CHRNB1: variants seen among roughly 807,000 people sequenced by gnomAD.
CHRNB1 encodes the protein cholinergic receptor nicotinic beta 1 subunit.
In CHRNB1, 47 loss-of-function variants were observed where a neutral mutation model predicts 53.8. The observed-to-expected ratio is 0.87, with a 90% CI of 0.69 to 1.11. The LOEUF is 1.11. Ranked by LOEUF, CHRNB1 falls within the 50% of genes most tolerant of loss-of-function variation. CHRNB1 has a pLI of 0.00. For missense variants in CHRNB1, 605 were observed against 654.9 expected, an observed-to-expected ratio of 0.92 and a Z score of 0.83; for synonymous variants, 259 against 263.5, an observed-to-expected ratio of 0.98 and a Z score of 0.16.
chr17:7,450,866 TTCC>T (rs1908859054), intron 7 of CHRNB1, among the ~76,000 whole-genome samples: 1 of 152,174 alleles, frequency 6.6e-6, no homozygotes, highest in African/African-American at 2.4e-5. Context: ...AAAACATGCT[TTCC>T]TCCTCTCTGC....
Position 7,447,516 on chromosome 17 carries a change from C to T in CHRNB1, c.476C>T (p.Pro159Leu). 1 of 1,614,170 alleles carries T rather than the reference C, an allele frequency of 6.2e-7. No homozygotes were observed. Among genetic ancestry groups the T allele is most frequent in the Non-Finnish European group, 8.5e-7 (1 of 1,180,028 alleles). The change falls in exon 6 of 11, where the codon CCC (proline) becomes CTC (leucine). Residue 159 changes from proline to leucine, a missense_variant. Transcript: ENST00000306071. The stretch of plus-strand genomic sequence containing the variant: ...TCCTCCATCCAGGTCACCTACTTCC[C>T]CTTCGACTGGCAGAATTGCACTATG... The part of the protein sequence containing the change: ...SSCSIQVTYF[P>L]FDWQNCTMVF...
chr17:7,446,040 C>G lies in CHRNB1; in HGVS notation c.199-29C>G, dbSNP rs539007199. The G allele has an allele frequency of 1.9e-6, 3 of 1,611,782 alleles. No individual in the cohort carries two copies. The Admixed American group carries it at 5.0e-5, about 27-fold the overall frequency. On this transcript the variant is annotated intron_variant, in intron 2 of 10. Transcript: ENST00000306071. ...CCTCATTTCTCTCCACCCTACTTCACCTTTACGCCTTAAATTTTTCCCTTC... is the reference window on the plus strand; with the variant it reads ...CCTCATTTCTCTCCACCCTACTTCAGCTTTACGCCTTAAATTTTTCCCTTC...
At chr17:7,450,810 A>G (rs958508831) in intron 7 of CHRNB1, among the ~76,000 whole-genome samples, 7 of 152,202 alleles carry the variant, frequency 4.6e-5, no homozygotes, top group African/African-American at 1.7e-4. Context: ...AACCTGGGTC[A>G]GTGGCAGTCT....
Position 7,445,330 on chromosome 17 carries a change from G to C in CHRNB1, c.119G>C (p.Ser40Thr). The C allele has an allele frequency of 6.2e-7, 1 of 1,613,158 alleles. No homozygotes were observed. Among genetic ancestry groups the C allele is most frequent in the Non-Finnish European group, 8.5e-7 (1 of 1,179,840 alleles). The change falls in exon 2 of 11, where the codon AGC (serine) becomes ACC (threonine). Residue 40 changes from serine to threonine, a missense_variant. Ser to Thr is a moderately conservative substitution (Grantham distance 58). Coordinates refer to ENST00000306071, the MANE Select transcript of CHRNB1 (RefSeq NM_000747.3). This position sits in a 1 kb window ranked among gnomAD's most constrained non-coding sequence, Gnocchi z 5.7. ...GAGAAACTTTTCTCTGGCTATGATA[G>C]CTCCGTGCGGCCAGCGCGGGAGGTG... ...LREKLFSGYDSSVRPAREVGD... is the reference protein window; with the variant it reads ...LREKLFSGYDTSVRPAREVGD...
chr17:7,449,755 G>A (rs1908812714), intron 7 of CHRNB1, among the ~76,000 whole-genome samples: 1 of 151,144 alleles, frequency 6.6e-6, no homozygotes, highest in African/African-American at 2.4e-5. Context: ...ATATATAATA[G>A]TAATAGCCAC....
rs1389864432 is a variant in CHRNB1 at position 7,455,369 on chromosome 17, C to T, written c.1130C>T (p.Ser377Phe). The T allele has an allele frequency of 6.2e-7, 1 of 1,614,166 alleles. No individual in the cohort carries two copies. Among genetic ancestry groups the T allele is most frequent in the Non-Finnish European group, 8.5e-7 (1 of 1,180,016 alleles). Residue 377 changes from serine (S) to phenylalanine (F), a missense_variant, in exon 9 of 11, where the codon TCT becomes TTT. Physicochemically the swap from Ser to Phe is radical, Grantham distance 155. Coordinates refer to ENST00000306071, the MANE Select transcript of CHRNB1 (RefSeq NM_000747.3). ...CTGATGCCGGAGCCCCCTCACTGTTCTTCTCCAGGAAGTGGCTGGGGTCGG... is the reference window on the plus strand; with the variant it reads ...CTGATGCCGGAGCCCCCTCACTGTTTTTCTCCAGGAAGTGGCTGGGGTCGG... The part of the protein sequence containing the change: ...RDLMPEPPHC[S>F]SPGSGWGRGT...
At chr17:7,455,763 G>T in intron 9 of CHRNB1, 31 bp from the exon 10 acceptor site, 6 of 1,614,132 alleles carry the variant, frequency 3.7e-6, no homozygotes, top group Non-Finnish European at 5.1e-6. Context: ...CTGTCTTTGC[G>T]TTTGGGCGTG....
Position 7,445,683 on chromosome 17 carries a change from C to A in CHRNB1, c.198+274C>A, listed in dbSNP as rs1908576780. 1.6e-6 allele frequency: 2 copies of A among 1,242,152 alleles called. No individual in the cohort carries two copies. The highest frequency in any genetic ancestry group is 5.8e-5 in the Admixed American group (2 of 34,774). The allele number at this position is 1,242,152 out of a possible 1,614,324, so 76.9% of individuals were successfully genotyped here. On this transcript the variant is annotated intron_variant, in intron 2 of 10. Coordinates refer to ENST00000306071, the MANE Select transcript of CHRNB1 (RefSeq NM_000747.3). The surrounding 1 kb of genome is among the most constrained non-coding windows in gnomAD (Gnocchi z 5.7). Reference sequence around the variant, plus strand: ...TGGGGACGAGGCAGGGGCTGGGGGACGGACCTCGACGTAGGGCCACATGAG... The same window carrying A: ...TGGGGACGAGGCAGGGGCTGGGGGAAGGACCTCGACGTAGGGCCACATGAG...
At chr17:7,448,252 G>T (rs191486903) in intron 6 of CHRNB1, among the ~76,000 whole-genome samples, 117 of 151,304 alleles carry the variant, frequency 7.7e-4, no homozygotes, top group Non-Finnish European at 1.2e-3. Context: ...CAGGTGTGGT[G>T]GTGGACACCT....
At chr17:7,448,407 T>C (rs1908745727) in intron 6 of CHRNB1, among the ~76,000 whole-genome samples, 172 bp from the exon 7 acceptor site, 1 of 152,080 alleles carries the variant, frequency 6.6e-6, no homozygotes, top group Non-Finnish European at 1.5e-5. Flanking sequence ...AATAAAAATA[T>C]GGAAATTGAG....
Position 7,456,795 on chromosome 17 carries a change from C to G in CHRNB1, c.*72C>G. ...TTTGGTGATACTGTCAAGCCCTATC[C>G]TTCTCTGCCTCTTAACTCCTTCACG... On this transcript the variant is annotated 3_prime_UTR_variant, in exon 11 of 11. Transcript: ENST00000306071. 1.3e-6 allele frequency: 2 copies of G among 1,588,276 alleles called. No homozygotes were observed.
intron 7 of CHRNB1, among the ~76,000 whole-genome samples, chr17:7,449,754 A>C (rs1321647774): frequency 6.6e-6 from 1 of 151,104 alleles, no homozygotes; most frequent in East Asian, 2.0e-4. Flanking sequence ...AATATATAAT[A>C]GTAATAGCCA....
intron 7 of CHRNB1, among the ~76,000 whole-genome samples, chr17:7,450,651 A>G (rs1221076381): frequency 6.6e-6 from 1 of 152,206 alleles, no homozygotes; most frequent in Non-Finnish European, 1.5e-5. Flanking sequence ...AACATGGTAC[A>G]TGTACTAATT....
chr17:7,454,525 GAAA>G lies in CHRNB1; in HGVS notation c.1044+6_1044+8del. ...ATGCCCCTTTGGGTCCGTCAGGTAA[GAAA>G]GATCTCCTCCTCCAACCCCAATTTT... is the stretch of plus-strand genomic sequence containing the variant. On this transcript the variant is annotated splice_donor_region_variant and intron_variant, in intron 8 of 10. Coordinates refer to ENST00000306071, the MANE Select transcript of CHRNB1 (RefSeq NM_000747.3). 1.2e-6 allele frequency: 2 copies of G among 1,612,716 alleles called. No individual in the cohort carries two copies. The highest frequency in any genetic ancestry group is 1.7e-6 in the Non-Finnish European group (2 of 1,178,732).
rs772731018 is a variant in CHRNB1, at chr17:7,456,635, G to A, written c.1418G>A (p.Trp473Ter). The A allele has an allele frequency of 5.6e-6, 9 of 1,613,960 alleles. No homozygotes were observed. The highest frequency in any genetic ancestry group is 7.6e-6 in the Non-Finnish European group (9 of 1,180,034). ...ATGGTAGTGGACCGCCTCTTCCTGT[G>A]GACTTTCATCATCTTCACCAGCGTT... ...VAMVVDRLFL[W>*]TFIIFTSVGT... Residue 473 changes from tryptophan (W) to a stop codon, truncating the protein, a stop_gained, in exon 11 of 11, where the codon TGG becomes TAG. Transcript: ENST00000306071. LOFTEE classifies it high-confidence loss of function.
At chr17:7,456,049 CT>C (rs528936191) in intron 10 of CHRNB1, 108 bp downstream of exon 10, 24,580 of 501,546 alleles carry the variant, frequency 0.049, no homozygotes, top group East Asian at 0.14. Flanking sequence ...TTTTTTTTGG[CT>C]TTTTTTTTTT....
chr17:7,446,699 C>T, intron 3 of CHRNB1, 134 bp from the exon 4 acceptor site: 1 of 684,690 alleles, frequency 1.5e-6, no homozygotes, highest in South Asian at 1.7e-5. Flanking sequence ...AGAGCCAGAA[C>T]CACGGCCCCT....
intron 7 of CHRNB1, among the ~76,000 whole-genome samples, chr17:7,453,002 T>C (rs1402700019): frequency 6.6e-6 from 1 of 152,182 alleles, no homozygotes; most frequent in East Asian, 1.9e-4. Flanking sequence ...CCAGCCTGGG[T>C]GACAGAGTGA....
intron 6 of CHRNB1, among the ~76,000 whole-genome samples, chr17:7,448,342 C>T (rs532281870): frequency 2.1e-4 from 32 of 152,210 alleles, no homozygotes; most frequent in African/African-American, 5.1e-4. Context: ...GCCGAGATCA[C>T]GCCACTGCAC....
Sources: gnomAD v4.1 joint callset for allele counts (sites outside exome capture counted in the v4.1 genomes callset) on GRCh38, gnomAD v4.1.1 for gene constraint, Gnocchi (gnomAD v3.1) non-coding constraint, MANE v1.5 for transcripts, NCBI Gene and HGNC (gene_info 2026-07-23, HGNC 2026-07-21) for gene names.